BCL2L1: variants seen among roughly 807,000 people sequenced by gnomAD.
The protein encoded by BCL2L1 is BCL2 like 1, also known as bcl-2-like protein 1.
BCL2L1 carries 1 observed loss-of-function variant against 18.7 expected under a neutral mutation model. The ratio of observed to expected loss-of-function variants is 0.05; its 90% CI spans 0.02 to 0.25. The LOEUF is 0.25. Among genes scored for constraint, BCL2L1 ranks in the 10% least tolerant of loss-of-function variants. BCL2L1 has a pLI of 1.00. For synonymous variants in BCL2L1, 103 were observed against 122.7 expected, an observed-to-expected ratio of 0.84 and a Z score of 1.06; for missense variants, 207 against 304.9, an observed-to-expected ratio of 0.68 and a Z score of 2.39.
At chr20:31,708,994 G>T (rs947449175) in intron 2 of BCL2L1, among the ~76,000 whole-genome samples, 3 of 152,194 alleles carry the variant, frequency 2.0e-5, no homozygotes, top group Admixed American at 6.5e-5. Flanking sequence ...CAGGTTGCAG[G>T]TGCCTCTGGC....
At chr20:31,674,564 C>CTCCA (rs2122482876) in intron 2 of BCL2L1, among the ~76,000 whole-genome samples, 1 of 152,202 alleles carries the variant, frequency 6.6e-6, no homozygotes, top group East Asian at 1.9e-4. Context: ...GATACTGAGA[C>CTCCA]CTAGCTAAAG....
intron 2 of BCL2L1, among the ~76,000 whole-genome samples, chr20:31,700,541 C>G (rs185720632): frequency 2.0e-5 from 3 of 152,306 alleles, no homozygotes; most frequent in East Asian, 3.9e-4. Context: ...TCCACATATG[C>G]CTAAAATTTG....
At chr20:31,717,537 T>A (rs570735279) in intron 2 of BCL2L1, among the ~76,000 whole-genome samples, 1 of 152,288 alleles carries the variant, frequency 6.6e-6, no homozygotes, top group African/African-American at 2.4e-5. Flanking sequence ...AAGAAGTAGG[T>A]GTTTCAAGGG....
chr20:31,692,890 G>A (rs1413282582), intron 2 of BCL2L1, among the ~76,000 whole-genome samples: 1 of 151,716 alleles, frequency 6.6e-6, no homozygotes, highest in African/African-American at 2.4e-5. Context: ...CAGCCTGGGC[G>A]ACAGAGTGAG....
At chr20:31,709,304 G>T (rs1001367912) in intron 2 of BCL2L1, among the ~76,000 whole-genome samples, 6 of 152,006 alleles carry the variant, frequency 3.9e-5, no homozygotes, top group Non-Finnish European at 8.8e-5. Context: ...GTTCTTACCC[G>T]TCTGGCCTGC....
At chr20:31,723,304 C>T (rs1368740244), upstream of BCL2L1, 9 of 985,698 alleles carry the variant, frequency 9.1e-6, no homozygotes, top group African/African-American at 1.6e-4. Context: ...GCCGCCGGCG[C>T]CCTGCACAAA....
At chr20:31,684,360 T>G (rs2060920227) in intron 2 of BCL2L1, among the ~76,000 whole-genome samples, 1 of 152,136 alleles carries the variant, frequency 6.6e-6, no homozygotes, top group South Asian at 2.1e-4. Flanking sequence ...GACAGGCACG[T>G]ACAAACCTGT....
intron 2 of BCL2L1, among the ~76,000 whole-genome samples, chr20:31,698,384 T>C (rs902337209): frequency 6.6e-6 from 1 of 151,834 alleles, no homozygotes; most frequent in African/African-American, 2.4e-5. Context: ...CCAAGATTAT[T>C]GGCATGTGCC....
intron 2 of BCL2L1, among the ~76,000 whole-genome samples, chr20:31,689,477 G>A (rs1257453524): frequency 6.6e-6 from 1 of 151,168 alleles, no homozygotes; most frequent in East Asian, 2.0e-4. Flanking sequence ...TTATCCCATG[G>A]TGGTCCTGGA....
rs754613701 is a variant in BCL2L1, at chr20:31,665,923, G to T, written c.*26C>A. ...TGGTGGAGCAGAGAAGGGGGTGGGA[G>T]GGTAGAGTGGATGGTCAGTGTCTGG... On this transcript the variant is annotated 3_prime_UTR_variant, in exon 3 of 3. Coordinates refer to ENST00000307677, the MANE Select transcript of BCL2L1 (RefSeq NM_138578.3). The T allele has an allele frequency of 6.2e-7, 1 of 1,610,418 alleles. No homozygotes were observed. Among genetic ancestry groups the T allele is most frequent in the Non-Finnish European group, 8.5e-7 (1 of 1,178,472 alleles).
chr20:31,673,222 G>A (rs548875998), intron 2 of BCL2L1, among the ~76,000 whole-genome samples: 3 of 151,766 alleles, frequency 2.0e-5, no homozygotes, highest in Middle Eastern at 3.4e-3. Flanking sequence ...ACAGGCACCC[G>A]CCACCACACC....
At position 31,709,840 on chromosome 20, in the gene BCL2L1, C is replaced by CAAAAAAAAAAAAA. The variant is rs56937786; in HGVS notation, c.564+11802_564+11814dup. On this transcript the variant is annotated intron_variant, in intron 2 of 2. Coordinates refer to ENST00000307677, the MANE Select transcript of BCL2L1 (RefSeq NM_138578.3). ...ACTGAGCAAGAGCAAGACTCCATCT[C>CAAAAAAAAAAAAA]AAAAAAAAAAAAAAAAAAAAAAAAA... is the stretch of plus-strand genomic sequence containing the variant. Among the ~76,000 whole-genome samples the CAAAAAAAAAAAAA allele has an allele frequency of 7.8e-5, 5 of 64,070 alleles. 1 individual carries two copies. Among genetic ancestry groups the CAAAAAAAAAAAAA allele is most frequent in the Non-Finnish European group, 1.0e-4 (3 of 29,056 alleles). 42.0% of individuals were successfully genotyped at this position (64,070 alleles called of 152,430 possible).
chr20:31,665,155 T>C lies in BCL2L1; in HGVS notation c.*794A>G, dbSNP rs2122379123. ...AGGCAGCTGAGGCCATAAACAGCTC[T>C]GGGGCATCTGTCTTGGGCCCAGTTG... is the stretch of plus-strand genomic sequence containing the variant. On this transcript the variant is annotated 3_prime_UTR_variant, in exon 3 of 3. Coordinates refer to ENST00000307677, the MANE Select transcript of BCL2L1 (RefSeq NM_138578.3). 5.6e-6 allele frequency: 1 copy of C among 177,434 alleles called. No individual in the cohort carries two copies. The highest frequency in any genetic ancestry group is 2.0e-4 in the South Asian group (1 of 5,034). 11.0% of individuals were successfully genotyped at this position (177,434 alleles called of 1,614,324 possible).
At chr20:31,722,369 T>C (rs901056436) in intron 1 of BCL2L1, 21 bp from the exon 2 acceptor site, 2 of 539,048 alleles carry the variant, frequency 3.7e-6, no homozygotes, top group Non-Finnish European at 5.9e-6. Context: ...AAAAAATAAT[T>C]AATATGCATG....
At chr20:31,692,955 C>T (rs995436830) in intron 2 of BCL2L1, among the ~76,000 whole-genome samples, 1 of 150,022 alleles carries the variant, frequency 6.7e-6, no homozygotes, top group Non-Finnish European at 1.5e-5. Flanking sequence ...GCCTGTAGTC[C>T]AGCTACTCGG....
intron 2 of BCL2L1, among the ~76,000 whole-genome samples, chr20:31,687,001 A>G (rs1013032057): frequency 6.6e-6 from 1 of 152,186 alleles, no homozygotes; most frequent in African/African-American, 2.4e-5. Context: ...ATGTTTCCCA[A>G]GAAGGATTAT....
intron 2 of BCL2L1, among the ~76,000 whole-genome samples, chr20:31,682,984 T>G (rs1165508666): frequency 6.6e-6 from 1 of 152,128 alleles, no homozygotes; most frequent in African/African-American, 2.4e-5. Context: ...CCAGTATCAT[T>G]TCTTGCCTGT....
chr20:31,720,001 G>A (rs2061596940), intron 2 of BCL2L1: 13 of 726,738 alleles, frequency 1.8e-5, no homozygotes, highest in Non-Finnish European at 2.2e-5. Flanking sequence ...GAGGGAACAG[G>A]AGAGGTCACT....
intron 2 of BCL2L1, among the ~76,000 whole-genome samples, chr20:31,699,112 C>T (rs1459246756): frequency 1.3e-5 from 2 of 152,202 alleles, no homozygotes; most frequent in Admixed American, 1.3e-4. Context: ...CCTGTGAATC[C>T]TCCTGCCTCT....
Sources: gnomAD v4.1 joint callset for allele counts (sites outside exome capture counted in the v4.1 genomes callset) on GRCh38, gnomAD v4.1.1 for gene constraint, MANE v1.5 for transcripts, NCBI Gene and HGNC (gene_info 2026-07-23, HGNC 2026-07-21) for gene names.